Variants in MGAM2 observed in about 807,000 individuals in gnomAD.
MGAM2 encodes the protein maltase-glucoamylase 2 (putative), also known as probable maltase-glucoamylase 2.
MGAM2 carries 98 observed loss-of-function variants against 96.1 expected under a neutral mutation model. That is an observed-to-expected ratio of 1.02 (90% CI 0.87 to 1.21). The LOEUF (loss-of-function observed/expected upper bound fraction) is 1.21, where lower values mean the gene tolerates loss of function less well. Among genes scored for constraint, MGAM2 ranks in the 50% most tolerant of loss-of-function variants. MGAM2 has a pLI of 0.00. For missense variants in MGAM2, 2,055 were observed against 1,182.4 expected (o/e 1.74, Z -10.82); for synonymous variants, 749 against 414.8 (o/e 1.81, Z -9.79).
intron 45 of MGAM2, among the ~76,000 whole-genome samples, chr7:142,201,324 C>T (rs1797225440): frequency 6.6e-6 from 1 of 151,938 alleles, no homozygotes; most frequent in African/African-American, 2.4e-5. Context: ...CCCACCTCGG[C>T]CTCCCAAAGT....
chr7:142,139,914 T>G (rs928994595), intron 10 of MGAM2, among the ~76,000 whole-genome samples: 16 of 152,092 alleles, frequency 1.1e-4, no homozygotes, highest in African/African-American at 3.9e-4. Context: ...CCAGGAAGAA[T>G]TTTCTTCCGC....
At chr7:142,194,690 GTGTGTA>G (rs754994621) in intron 37 of MGAM2, among the ~76,000 whole-genome samples, 4,272 of 103,872 alleles carry the variant, frequency 0.041, 86 homozygotes, top group African/African-American at 0.067. Context: ...AATAGAACAT[GTGTGTA>G]TGTGTGTGTG....
chr7:142,187,128 C>G (rs898685404), intron 35 of MGAM2, among the ~76,000 whole-genome samples: 2 of 152,182 alleles, frequency 1.3e-5, no homozygotes, highest in African/African-American at 4.8e-5. Flanking sequence ...CCCTTAGGAG[C>G]CCCTACTCCT....
At chr7:142,124,366 GTAAAT>G (rs1296359377) in intron 3 of MGAM2, among the ~76,000 whole-genome samples, 1 of 151,878 alleles carries the variant, frequency 6.6e-6, no homozygotes, top group Non-Finnish European at 1.5e-5. Flanking sequence ...CACCTTTCCT[GTAAAT>G]TATGTCTTTA....
chr7:142,132,705 T>C (rs1320694230), intron 6 of MGAM2, among the ~76,000 whole-genome samples: 1 of 126,234 alleles, frequency 7.9e-6, no homozygotes, highest in Non-Finnish European at 1.5e-5. Context: ...TATTAATTAA[T>C]ATAATTAATA....
At chr7:142,177,182 A>G (rs1268338661) in intron 32 of MGAM2, among the ~76,000 whole-genome samples, 3 of 152,220 alleles carry the variant, frequency 2.0e-5, no homozygotes, top group East Asian at 1.9e-4. Context: ...TCACAGTTCC[A>G]TATGGCTGGA....
At chr7:142,120,099 A>T (rs1191967085) in intron 2 of MGAM2, among the ~76,000 whole-genome samples, 1 of 152,250 alleles carries the variant, frequency 6.6e-6, no homozygotes, top group Non-Finnish European at 1.5e-5. Context: ...AAACGTGTTT[A>T]AACTTGGAGA....
intron 37 of MGAM2, among the ~76,000 whole-genome samples, chr7:142,195,868 T>C (rs1466078744): frequency 1.3e-5 from 2 of 152,078 alleles, no homozygotes; most frequent in Non-Finnish European, 2.9e-5. Flanking sequence ...GTTCCATAAA[T>C]AGCTATATTA....
At chr7:142,197,169 G>A (rs1797070285) in intron 40 of MGAM2, among the ~76,000 whole-genome samples, 1 of 152,174 alleles carries the variant, frequency 6.6e-6, no homozygotes, top group African/African-American at 2.4e-5. Flanking sequence ...TACACATGTA[G>A]AGGGCCAGAG....
At position 142,140,830 on chromosome 7, in the gene MGAM2, T is replaced by C. The variant is rs778738369; in HGVS notation, c.1115T>C (p.Met372Thr). The C allele has an allele frequency of 1.1e-5, 8 of 702,852 alleles. No homozygotes were observed. In the African/African-American group the frequency reaches 1.2e-4, roughly 11 times the overall value. 43.5% of individuals were successfully genotyped at this position (702,852 alleles called of 1,614,324 possible). Reference protein sequence around the residue: ...YDVQYSDIDYMDGKKDFTVDE... With the variant: ...YDVQYSDIDYTDGKKDFTVDE... ...GTCCAGTACTCTGACATAGACTACA[T>C]GGATGGAAAGAAGGATTTCACTGTT... The change falls in exon 11 of 48, where the codon ATG (methionine) becomes ACG (threonine). Residue 372 changes from methionine to threonine, a missense_variant. By Grantham distance (81) the Met-to-Thr change is moderately conservative. Coordinates refer to ENST00000477922, the MANE Select transcript of MGAM2 (RefSeq NM_001293626.2).
At chr7:142,171,981 C>A (rs1044869542) in intron 28 of MGAM2, 117 bp from the exon 29 acceptor site, 4 of 432,878 alleles carry the variant, frequency 9.2e-6, no homozygotes, top group African/African-American at 2.0e-5. Context: ...GAAGGCCCAA[C>A]AAAGGACATG....
At chr7:142,212,954 T>C (rs1310871725) in intron 46 of MGAM2, among the ~76,000 whole-genome samples, 1 of 151,752 alleles carries the variant, frequency 6.6e-6, no homozygotes, top group Admixed American at 6.6e-5. Flanking sequence ...CCTCAGAAAA[T>C]GAAAAAGAAC....
At chr7:142,127,327 CA>C (rs971089458) in intron 3 of MGAM2, among the ~76,000 whole-genome samples, 2 of 152,038 alleles carry the variant, frequency 1.3e-5, no homozygotes, top group African/African-American at 4.8e-5. Flanking sequence ...GTCTGTCAGT[CA>C]CTTCATCTAC....
intron 27 of MGAM2, 130 bp from the exon 28 acceptor site, chr7:142,171,141 AC>A (rs1246731276): frequency 2.9e-6 from 2 of 691,220 alleles, no homozygotes; most frequent in Non-Finnish European, 5.3e-6. Flanking sequence ...GGGTCATGTC[AC>A]AGTATTTGAA....
rs1270056773 is a variant in MGAM2 at position 142,114,216 on chromosome 7, G to GAGAAAGAA, written c.-1+2419_-1+2426dup. Among the ~76,000 whole-genome samples, 9 of 68,070 alleles carry GAGAAAGAA rather than the reference G, an allele frequency of 1.3e-4. 2 individuals carry two copies. The highest frequency in any genetic ancestry group is 2.2e-4 in the Non-Finnish European group (8 of 36,584). The allele number at this position is 68,070 out of a possible 152,430, so 44.7% of individuals were successfully genotyped here. On this transcript the variant is annotated intron_variant, in intron 1 of 47. Transcript: ENST00000477922. ...AAAGAAAGAAAGAAAGAAAGAAAGA[G>GAGAAAGAA]AGAAAGAAAGAAAGAAATAGGAGAC... is the stretch of plus-strand genomic sequence containing the variant.
chr7:142,200,683 T>C (rs960769883), intron 45 of MGAM2, among the ~76,000 whole-genome samples: 8 of 152,220 alleles, frequency 5.3e-5, no homozygotes. Flanking sequence ...TAGTATAGCT[T>C]ATTTTTCACT....
At chr7:142,213,741 A>C (rs1200355848) in intron 46 of MGAM2, among the ~76,000 whole-genome samples, 1 of 152,188 alleles carries the variant, frequency 6.6e-6, no homozygotes, top group East Asian at 1.9e-4. Flanking sequence ...TTCTACCAGA[A>C]GTACAAAGAG....
chr7:142,217,558 A>T (rs939555229), intron 46 of MGAM2, among the ~76,000 whole-genome samples: 9 of 152,176 alleles, frequency 5.9e-5, no homozygotes, highest in African/African-American at 2.2e-4. Context: ...TATAGCAGGT[A>T]CTCAGGAAGT....
intron 46 of MGAM2, among the ~76,000 whole-genome samples, chr7:142,212,762 A>G (rs1797627249): frequency 6.6e-6 from 1 of 152,142 alleles, no homozygotes; most frequent in Non-Finnish European, 1.5e-5. Flanking sequence ...CACTGTCAAT[A>G]TTAGACAGAT....
Sources: allele counts gnomAD v4.1 joint callset (sites outside exome capture counted in the v4.1 genomes callset), GRCh38; gene constraint gnomAD v4.1.1; transcripts MANE v1.5; gene names NCBI Gene and HGNC (gene_info 2026-07-23, HGNC 2026-07-21).